PCDH1: variants seen among roughly 807,000 people sequenced by gnomAD.
PCDH1 encodes protocadherin-1.
PCDH1 carries 23 observed loss-of-function variants against 74.6 expected under a neutral mutation model. The observed-to-expected ratio is 0.31, with a 90% CI of 0.22 to 0.44. The LOEUF (loss-of-function observed/expected upper bound fraction) is 0.44, where lower values mean the gene tolerates loss of function less well. Ranked by LOEUF, PCDH1 falls within the 20% of genes least tolerant of loss-of-function variation. The pLI is 1.00. For synonymous variants in PCDH1, 647 were observed against 686.1 expected (o/e 0.94, Z 0.89); for missense variants, 1,214 against 1,641.4 (o/e 0.74, Z 4.50).
At chr5:141,861,593 GC>G (rs751915515) in intron 3 of PCDH1, among the ~76,000 whole-genome samples, 1 of 152,186 alleles carries the variant, frequency 6.6e-6, no homozygotes, top group Non-Finnish European at 1.5e-5. Flanking sequence ...ACTTCCCCAG[GC>G]CCCACTCCTC....
At position 141,863,387 on chromosome 5, in the gene PCDH1, G is replaced by A; in HGVS notation, c.2944C>T (p.Pro982Ser). ...NSPLPSIQLQPQSPSASKKHQ... is the reference protein window; with the variant it reads ...NSPLPSIQLQSQSPSASKKHQ... ...TTCTTGGAGGCTGAGGGTGACTGGGGCTGCAGCTGGATGGAAGGCAGTGGG... is the reference window on the plus strand; with the variant it reads ...TTCTTGGAGGCTGAGGGTGACTGGGACTGCAGCTGGATGGAAGGCAGTGGG... Residue 982 changes from proline to serine, a missense_variant, in exon 3 of 5, where the codon CCC becomes TCC. This residue lies in a region of PCDH1 where 836 missense variants were observed against 1,182.2 expected (regional missense o/e 0.71). Transcript: ENST00000287008. This position sits in a 1 kb window ranked among gnomAD's most constrained non-coding sequence, Gnocchi z 7.5. 3 of 1,550,564 alleles carry A rather than the reference G, an allele frequency of 1.9e-6. No homozygotes were observed. The highest frequency in any genetic ancestry group is 2.6e-6 in the Non-Finnish European group (3 of 1,147,100).
chr5:141,864,168 G>C lies in PCDH1; in HGVS notation c.2163C>G (p.Thr721=). 2 of 1,607,486 alleles carry C rather than the reference G, an allele frequency of 1.2e-6. No individual in the cohort carries two copies. Among genetic ancestry groups the C allele is most frequent in the African/African-American group, 1.3e-5 (1 of 74,940 alleles). ...TCTGGGGGGTCAGCAGCTTGTGAGA[G>C]GTGTTAGAAGGGGCAGTGATATAGG... is the stretch of plus-strand genomic sequence containing the variant. ...NAPYITAPSN[T]SHKLLTPQTR... is the part of the protein sequence containing the mutation. Residue 721 remains threonine (T), a synonymous_variant, in exon 3 of 5, where the codon ACC becomes ACG. Transcript: ENST00000287008. This position sits in a 1 kb window ranked among gnomAD's most constrained non-coding sequence, Gnocchi z 5.9.
At chr5:141,858,567 A>T (rs1444515675) in intron 3 of PCDH1, among the ~76,000 whole-genome samples, 1 of 152,134 alleles carries the variant, frequency 6.6e-6, no homozygotes, top group African/African-American at 2.4e-5. Flanking sequence ...GCAGCCCTGT[A>T]TGCCTGCCAC....
intron 1 of PCDH1, among the ~76,000 whole-genome samples, chr5:141,872,082 T>C (rs1248506772): frequency 1.3e-5 from 2 of 151,878 alleles, no homozygotes; most frequent in African/African-American, 4.8e-5. Context: ...TTAATCTCTT[T>C]AAAGGAAGCA....
intron 1 of PCDH1, among the ~76,000 whole-genome samples, chr5:141,875,218 T>C (rs1753190909): frequency 6.6e-6 from 1 of 152,166 alleles, no homozygotes; most frequent in South Asian, 2.1e-4. Context: ...AGTCTTCTAA[T>C]TGCTGAATAG....
In PCDH1 at chr5:141,863,511, G is replaced by A. The variant is rs1037343672; in HGVS notation, c.2820C>T (p.Asn940=). The stretch of plus-strand genomic sequence containing the variant: ...TGTCCCCAGGGGCATCGCTCATCAG[G>A]TTGAACTTGAGGGACTTCTGCAGCC... ...EAGLQKSLKF[N]LMSDAPGDSP... The change falls in exon 3 of 5, where the codon AAC becomes AAT. Residue 940 remains asparagine, a synonymous_variant. Coordinates refer to ENST00000287008, the MANE Select transcript of PCDH1 (RefSeq NM_032420.5). The surrounding 1 kb of genome is among the most constrained non-coding windows in gnomAD (Gnocchi z 7.5). The A allele has an allele frequency of 1.2e-6, 2 of 1,613,488 alleles. No homozygotes were observed. The highest frequency in any genetic ancestry group is 1.1e-5 in the South Asian group (1 of 91,014).
Position 141,864,639 on chromosome 5 carries a change from G to T in PCDH1, c.1692C>A (p.Ile564=), listed in dbSNP as rs753014105. The stretch of plus-strand genomic sequence containing the variant: ...CCCGATCCAGAGATGTCTTCACCTG[G>T]ATCTCTCCAGTCTCGGGTGAGATGG... ...LFTISPETGE[I]QVKTSLDREQ... Residue 564 remains isoleucine (I), a synonymous_variant, in exon 3 of 5, where the codon ATC becomes ATA. Transcript: ENST00000287008. This position sits in a 1 kb window ranked among gnomAD's most constrained non-coding sequence, Gnocchi z 5.9. The T allele has an allele frequency of 4.3e-6, 7 of 1,613,476 alleles. No homozygotes were observed. In the African/African-American group the frequency reaches 8.0e-5, roughly 18 times the overall value.
At chr5:141,862,638 T>A (rs920923110) in intron 3 of PCDH1, 3 of 985,526 alleles carry the variant, frequency 3.0e-6, no homozygotes, top group Non-Finnish European at 3.6e-6. Flanking sequence ...TTCCAGAAAA[T>A]AAGAAACCAA....
At chr5:141,858,507 T>A (rs1160489138) in intron 3 of PCDH1, among the ~76,000 whole-genome samples, 1 of 152,080 alleles carries the variant, frequency 6.6e-6, no homozygotes, top group African/African-American at 2.4e-5. Flanking sequence ...AGGCTTGGAC[T>A]GGGGACTGGG....
chr5:141,863,565 C>T lies in PCDH1; in HGVS notation c.2766G>A (p.Val922=). Residue 922 remains valine, a synonymous_variant, in exon 3 of 5, where the codon GTG becomes GTA. Coordinates refer to ENST00000287008, the MANE Select transcript of PCDH1 (RefSeq NM_032420.5). The surrounding 1 kb of genome is among the most constrained non-coding windows in gnomAD (Gnocchi z 7.5). The stretch of plus-strand genomic sequence containing the variant: ...CCTCATCCTCGTCCTCCACTGGCTT[C>T]ACGGGCTTTGGGGACTTGCTCTTCT... ...KGKKSKSPKP[V]KPVEDEDEAG... The T allele has an allele frequency of 6.2e-7, 1 of 1,614,178 alleles. No homozygotes were observed. Among genetic ancestry groups the T allele is most frequent in the Non-Finnish European group, 8.5e-7 (1 of 1,180,020 alleles).
chr5:141,869,216 C>T lies in PCDH1; in HGVS notation c.256G>A (p.Val86Met). The change falls in exon 2 of 5, where the codon GTG becomes ATG. Residue 86 changes from valine to methionine, a missense_variant. Around this residue, in one of 4 missense-constraint regions of PCDH1, gnomAD observed 97 missense variants for 173.2 expected, o/e 0.56. Coordinates refer to ENST00000287008, the MANE Select transcript of PCDH1 (RefSeq NM_032420.5). The surrounding 1 kb of genome is among the most constrained non-coding windows in gnomAD (Gnocchi z 4.9). ...ACCTCTAGCTTGTACAGGTGCCCCA[C>T]ATCTGGAAAACCATAGTCGGCTGCG... ...SLAADYGFPD[V>M]GHLYKLEVGA... is the part of the protein sequence containing the mutation. 1 of 1,614,042 alleles carries T rather than the reference C, an allele frequency of 6.2e-7. No individual in the cohort carries two copies. The highest frequency in any genetic ancestry group is 8.5e-7 in the Non-Finnish European group (1 of 1,179,988).
At chr5:141,856,328 AG>A in intron 4 of PCDH1, 1 of 1,261,798 alleles carries the variant, frequency 7.9e-7, no homozygotes, top group Non-Finnish European at 1.1e-6. Flanking sequence ...GTGGGGGTGG[AG>A]GGCACTCTGA....
In PCDH1 at chr5:141,865,995, G is replaced by T; in HGVS notation, c.904-568C>A. 1 of 941,800 alleles carries T rather than the reference G, an allele frequency of 1.1e-6. No individual in the cohort carries two copies. Among genetic ancestry groups the T allele is most frequent in the Non-Finnish European group, 1.3e-6 (1 of 787,754 alleles). 58.3% of individuals were successfully genotyped at this position (941,800 alleles called of 1,614,324 possible). On this transcript the variant is annotated intron_variant, in intron 2 of 4. Coordinates refer to ENST00000287008, the MANE Select transcript of PCDH1 (RefSeq NM_032420.5). This position sits in a 1 kb window ranked among gnomAD's most constrained non-coding sequence, Gnocchi z 4.4. Reference sequence around the variant, plus strand: ...TGTGTATGATTGTGTCAGAATGTGTGATTATGTGTGATTTTTGTGTGAGAA... The same window carrying T: ...TGTGTATGATTGTGTCAGAATGTGTTATTATGTGTGATTTTTGTGTGAGAA...
Position 141,869,838 on chromosome 5 carries a change from G to T in PCDH1, c.41-407C>A, listed in dbSNP as rs951018151. On this transcript the variant is annotated intron_variant, in intron 1 of 4. Transcript: ENST00000287008. The surrounding 1 kb of genome is among the most constrained non-coding windows in gnomAD (Gnocchi z 4.9). The stretch of plus-strand genomic sequence containing the variant: ...CTTAGTCACCGATGGTAATTACCTT[G>T]ATACTGAGATAGGGAGAGAGAGCCA... 3 of 977,724 alleles carry T rather than the reference G, an allele frequency of 3.1e-6. No homozygotes were observed. In the African/African-American group the frequency reaches 5.3e-5, roughly 17 times the overall value. The allele number at this position is 977,724 out of a possible 1,614,324, so 60.6% of individuals were successfully genotyped here. A position where few individuals can be genotyped will look rare whatever the true frequency, so the allele number is the denominator to read the frequency against.
At chr5:141,862,494 T>C (rs1034395745) in intron 3 of PCDH1, among the ~76,000 whole-genome samples, 2 of 151,952 alleles carry the variant, frequency 1.3e-5, no homozygotes, top group African/African-American at 4.8e-5. Context: ...GATGGCAAGA[T>C]GGTAGGCTAA....
intron 3 of PCDH1, among the ~76,000 whole-genome samples, chr5:141,862,083 G>A (rs916178732): frequency 6.6e-6 from 1 of 152,194 alleles, no homozygotes; most frequent in East Asian, 1.9e-4. Context: ...TGGTGATCAT[G>A]GTGGGGAGAC....
At chr5:141,855,514 G>C (rs7711783) in intron 4 of PCDH1, among the ~76,000 whole-genome samples, 22,733 of 151,802 alleles carry the variant, frequency 0.15, 1,751 homozygotes, top group Middle Eastern at 0.18. Flanking sequence ...GATAGGCATG[G>C]ATACACAAAT....
At chr5:141,875,895 C>T (rs1034657589) in intron 1 of PCDH1, among the ~76,000 whole-genome samples, 4 of 152,162 alleles carry the variant, frequency 2.6e-5, no homozygotes, top group African/African-American at 4.8e-5. Flanking sequence ...GCGCCCCCCA[C>T]CCCCTACAAA....
In PCDH1 at chr5:141,878,094, C is replaced by G; in HGVS notation, c.40+129G>C. ...GGCTCCCAGCAGCCCCCACCTCAGC[C>G]CCCTCGCGCCGAGCTCGTGTTGGGC... On this transcript the variant is annotated intron_variant, in intron 1 of 4. Coordinates refer to ENST00000287008, the MANE Select transcript of PCDH1 (RefSeq NM_032420.5). This position sits in a 1 kb window ranked among gnomAD's most constrained non-coding sequence, Gnocchi z 5.5. 1 of 799,198 alleles carries G rather than the reference C, an allele frequency of 1.3e-6. No individual in the cohort carries two copies. Among genetic ancestry groups the G allele is most frequent in the Non-Finnish European group, 1.8e-6 (1 of 569,320 alleles). 49.5% of individuals were successfully genotyped at this position (799,198 alleles called of 1,614,324 possible).
Sources: gnomAD v4.1 joint callset for allele counts (sites outside exome capture counted in the v4.1 genomes callset) on GRCh38, gnomAD v4.1.1 for gene constraint, gnomAD v4.1.1 regional missense constraint, Gnocchi (gnomAD v3.1) non-coding constraint, MANE v1.5 for transcripts, NCBI Gene and HGNC (gene_info 2026-07-23, HGNC 2026-07-21) for gene names.